Variants in DOCK3 observed in about 807,000 individuals in gnomAD.
DOCK3 encodes dedicator of cytokinesis 3, also known as dedicator of cytokinesis protein 3.
DOCK3 carries 60 observed loss-of-function variants against 265.6 expected under a neutral mutation model. The ratio of observed to expected loss-of-function variants is 0.23; its 90% CI spans 0.18 to 0.28. The LOEUF (loss-of-function observed/expected upper bound fraction) is 0.28. Ranked by LOEUF, DOCK3 falls within the 10% of genes least tolerant of loss-of-function variation. The probability of loss-of-function intolerance (pLI) is 1.00; values close to 1 mark genes in which losing one functional copy is unlikely to be tolerated. For missense variants in DOCK3, 1,981 were observed against 2,594.3 expected, an observed-to-expected ratio of 0.76 and a Z score of 5.14; for synonymous variants, 881 against 938.0, an observed-to-expected ratio of 0.94 and a Z score of 1.11.
intron 5 of DOCK3, among the ~76,000 whole-genome samples, chr3:50,955,961 A>G (rs1263569958): frequency 6.6e-6 from 1 of 152,176 alleles, no homozygotes; most frequent in Non-Finnish European, 1.5e-5. Flanking sequence ...ATCATTTCAA[A>G]TCAGTATTTG....
At chr3:51,095,153 G>A (rs542571097) in intron 9 of DOCK3, among the ~76,000 whole-genome samples, 216 of 152,032 alleles carry the variant, frequency 1.4e-3, no homozygotes, top group African/African-American at 5.0e-3. Context: ...CATTTAGCCT[G>A]TTTACATTTA....
At chr3:51,264,176 C>T (rs146756154) in intron 23 of DOCK3, among the ~76,000 whole-genome samples, 6 of 152,306 alleles carry the variant, frequency 3.9e-5, no homozygotes, top group South Asian at 2.1e-4. Context: ...AAACACTCTT[C>T]GGCAAATGCA....
chr3:51,186,612 C>T (rs967456497), intron 12 of DOCK3, among the ~76,000 whole-genome samples: 1 of 152,204 alleles, frequency 6.6e-6, no homozygotes, highest in African/African-American at 2.4e-5. Flanking sequence ...CATCACAGGC[C>T]TAGAGGCCTA....
intron 27 of DOCK3, among the ~76,000 whole-genome samples, chr3:51,286,925 A>T (rs1212366122): frequency 2.6e-5 from 4 of 152,254 alleles, no homozygotes; most frequent in East Asian, 3.8e-4. Context: ...CAAAGATTTC[A>T]TGACAAAGAC....
At chr3:51,201,033 A>G (rs1378419216) in intron 12 of DOCK3, among the ~76,000 whole-genome samples, 5 of 152,126 alleles carry the variant, frequency 3.3e-5, no homozygotes, top group African/African-American at 9.7e-5. Context: ...AGCACTAAAC[A>G]TGGAAAGGAA....
At chr3:51,343,044 A>C (rs768761873) in intron 38 of DOCK3, among the ~76,000 whole-genome samples, 3 of 152,174 alleles carry the variant, frequency 2.0e-5, no homozygotes, top group Non-Finnish European at 4.4e-5. Context: ...ATTAGGTGAG[A>C]TTAACCAGTC....
At chr3:51,014,861 C>T (rs1157457257) in intron 5 of DOCK3, among the ~76,000 whole-genome samples, 1 of 152,156 alleles carries the variant, frequency 6.6e-6, no homozygotes. Flanking sequence ...ACTTTCACTT[C>T]TTTGATTTAA....
At chr3:50,802,095 G>A (rs933245459) in intron 2 of DOCK3, among the ~76,000 whole-genome samples, 2 of 151,966 alleles carry the variant, frequency 1.3e-5, no homozygotes, top group African/African-American at 4.8e-5. Context: ...TATAGGTGAG[G>A]TGAGTTGCTT....
At chr3:51,096,935 T>C (rs2082880977) in intron 9 of DOCK3, among the ~76,000 whole-genome samples, 1 of 152,194 alleles carries the variant, frequency 6.6e-6, no homozygotes, top group Non-Finnish European at 1.5e-5. Context: ...TGCCTGGGTA[T>C]CACCAGCGGA....
chr3:50,749,600 C>T lies in DOCK3; in HGVS notation c.38-29075C>T, dbSNP rs150444272. On this transcript the variant is annotated intron_variant, in intron 1 of 52. Coordinates refer to ENST00000266037, the MANE Select transcript of DOCK3 (RefSeq NM_004947.5). Reference sequence around the variant, plus strand: ...TATTTTTAAAAATCCTATCAGTGGACATCATCTTTCACTGCCTCTTTGGAT... The same window carrying T: ...TATTTTTAAAAATCCTATCAGTGGATATCATCTTTCACTGCCTCTTTGGAT... Among the ~76,000 whole-genome samples, 783 of 152,238 alleles carry T rather than the reference C, an allele frequency of 5.1e-3. 3 individuals carry two copies. Among genetic ancestry groups the T allele is most frequent in the Non-Finnish European group, 8.5e-3 (575 of 68,016 alleles).
chr3:50,835,100 C>A (rs143026644), intron 2 of DOCK3, among the ~76,000 whole-genome samples: 1 of 152,308 alleles, frequency 6.6e-6, no homozygotes, highest in African/African-American at 2.4e-5. Flanking sequence ...ATTGTTCACA[C>A]ACAGACTTTT....
chr3:50,943,083 A>C (rs1409239228), intron 5 of DOCK3, among the ~76,000 whole-genome samples: 1 of 152,094 alleles, frequency 6.6e-6, no homozygotes, highest in Non-Finnish European at 1.5e-5. Flanking sequence ...ATAAAGGAAA[A>C]TAATTTCTAA....
intron 5 of DOCK3, among the ~76,000 whole-genome samples, chr3:51,055,754 A>G (rs111900237): frequency 4.7e-5 from 3 of 63,308 alleles, no homozygotes; most frequent in Non-Finnish European, 1.5e-4. Flanking sequence ...TCATATCTCT[A>G]ATATTTTTTC....
intron 2 of DOCK3, among the ~76,000 whole-genome samples, chr3:50,803,576 T>G (rs2043188544): frequency 6.6e-6 from 1 of 151,012 alleles, no homozygotes; most frequent in Non-Finnish European, 1.5e-5. Context: ...CTGTTCTCAA[T>G]GAGCTGCTGG....
intron 4 of DOCK3, among the ~76,000 whole-genome samples, chr3:50,933,217 A>C (rs2051165752): frequency 6.6e-6 from 1 of 152,210 alleles, no homozygotes; most frequent in Non-Finnish European, 1.5e-5. Flanking sequence ...GACACAGCCA[A>C]ACCATATCAG....
chr3:50,821,560 A>G (rs2044433342), intron 2 of DOCK3, among the ~76,000 whole-genome samples: 1 of 152,180 alleles, frequency 6.6e-6, no homozygotes. Context: ...TCGGCCTCCC[A>G]AAGTGCTGGG....
intron 22 of DOCK3, among the ~76,000 whole-genome samples, chr3:51,253,084 T>G (rs1053610325): frequency 1.2e-4 from 19 of 152,234 alleles, no homozygotes; most frequent in African/African-American, 4.6e-4. Context: ...GGCTGTTGAA[T>G]TTTGTCAAAG....
chr3:51,223,303 T>A (rs921185125), intron 14 of DOCK3, among the ~76,000 whole-genome samples: 2 of 152,104 alleles, frequency 1.3e-5, no homozygotes, highest in African/African-American at 4.8e-5. Flanking sequence ...AATGTTTCAT[T>A]TGAAGGACAT....
At chr3:50,913,930 C>T (rs893372010) in intron 4 of DOCK3, among the ~76,000 whole-genome samples, 1 of 152,016 alleles carries the variant, frequency 6.6e-6, no homozygotes, top group Non-Finnish European at 1.5e-5. Flanking sequence ...TTTTAGTTCT[C>T]ATAAAGGTGC....
Sources: gnomAD v4.1 joint callset for allele counts (sites outside exome capture counted in the v4.1 genomes callset) on GRCh38, gnomAD v4.1.1 for gene constraint, MANE v1.5 for transcripts, NCBI Gene and HGNC (gene_info 2026-07-23, HGNC 2026-07-21) for gene names.